The following OSBPL1A variants were observed in gnomAD, a reference collection of about 807,000 sequenced individuals.
The protein encoded by OSBPL1A is oxysterol-binding protein-related protein 1.
In OSBPL1A, 80 loss-of-function variants were observed where a neutral mutation model predicts 137.1. The observed-to-expected ratio is 0.58, with a 90% CI of 0.49 to 0.70. OSBPL1A has a LOEUF of 0.70. OSBPL1A is among the 30% of genes least tolerant of loss of function. The pLI is 0.00. For synonymous variants in OSBPL1A, 365 were observed against 389.7 expected, an observed-to-expected ratio of 0.94 and a Z score of 0.75; for missense variants, 970 against 1,129.4, an observed-to-expected ratio of 0.86 and a Z score of 2.02.
At chr18:24,383,083 C>T (rs979886841) in intron 1 of OSBPL1A, among the ~76,000 whole-genome samples, 1 of 152,066 alleles carries the variant, frequency 6.6e-6, no homozygotes, top group African/African-American at 2.4e-5. Context: ...TTTTAAATGT[C>T]TTCTTTGGTT....
intron 20 of OSBPL1A, chr18:24,179,435 TA>T (rs77220931): frequency 0.038 from 10,194 of 267,430 alleles, no homozygotes; most frequent in South Asian, 0.065. Context: ...AAACTTAAAG[TA>T]AAAAAAAAAA....
At chr18:24,199,842 C>G (rs1252187122) in intron 17 of OSBPL1A, among the ~76,000 whole-genome samples, 1 of 152,212 alleles carries the variant, frequency 6.6e-6, no homozygotes, top group South Asian at 2.1e-4. Context: ...GAAAGGCACC[C>G]CAGCTCGACC....
At chr18:24,292,317 C>G (rs1323146348) in intron 14 of OSBPL1A, among the ~76,000 whole-genome samples, 1 of 152,070 alleles carries the variant, frequency 6.6e-6, no homozygotes, top group African/African-American at 2.4e-5. Context: ...CTGTGGAAAC[C>G]CTCTTGGCAA....
chr18:24,217,550 C>T (rs2087746973), intron 17 of OSBPL1A, among the ~76,000 whole-genome samples: 1 of 152,116 alleles, frequency 6.6e-6, no homozygotes, highest in Non-Finnish European at 1.5e-5. Context: ...AACCTCTGCA[C>T]CCTGTCAGAA....
chr18:24,193,056 T>C (rs2086932379), intron 18 of OSBPL1A, among the ~76,000 whole-genome samples: 1 of 152,066 alleles, frequency 6.6e-6, no homozygotes, highest in Admixed American at 6.6e-5. Flanking sequence ...TAGGACTTAT[T>C]AACAAATTAA....
chr18:24,364,981 G>A (rs555854283), intron 4 of OSBPL1A: 28 of 141,612 alleles, frequency 2.0e-4, no homozygotes, highest in African/African-American at 7.4e-4. Flanking sequence ...CCACTGCCCT[G>A]CAGCCTGGGT....
intron 1 of OSBPL1A, 81 bp downstream of exon 1, chr18:24,397,574 T>TCC (rs1907846941): frequency 6.6e-6 from 1 of 152,030 alleles, no homozygotes; most frequent in Non-Finnish European, 1.5e-5. Context: ...CGGACAGACC[T>TCC]CCCGAGCGCA....
chr18:24,347,693 T>G, intron 4 of OSBPL1A: 1 of 151,624 alleles, frequency 6.6e-6, no homozygotes, highest in East Asian at 2.0e-4. Flanking sequence ...AATACAAAAA[T>G]TAGCCGGGCA....
intron 17 of OSBPL1A, among the ~76,000 whole-genome samples, chr18:24,220,440 G>T (rs1246287504): frequency 1.3e-5 from 2 of 152,144 alleles, no homozygotes; most frequent in East Asian, 3.8e-4. Context: ...CTACTTTCCA[G>T]GACAAGTACT....
chr18:24,376,123 G>C (rs537004197), intron 2 of OSBPL1A, among the ~76,000 whole-genome samples: 6 of 152,312 alleles, frequency 3.9e-5, no homozygotes, highest in Non-Finnish European at 8.8e-5. Flanking sequence ...GGACTCCAGC[G>C]AGTTGCCACT....
At chr18:24,174,617 GT>G (rs1195162170) in intron 21 of OSBPL1A, among the ~76,000 whole-genome samples, 4 of 152,136 alleles carry the variant, frequency 2.6e-5, no homozygotes, top group African/African-American at 9.7e-5. Context: ...CCACATCCTT[GT>G]CAGCACTTGG....
intron 1 of OSBPL1A, among the ~76,000 whole-genome samples, chr18:24,382,168 AG>A (rs1279684437): frequency 6.6e-6 from 1 of 150,784 alleles, no homozygotes; most frequent in African/African-American, 2.4e-5. Flanking sequence ...TGGGAGGCCA[AG>A]GCAAGTGGAT....
intron 4 of OSBPL1A, among the ~76,000 whole-genome samples, chr18:24,353,309 A>G (rs1397538197): frequency 6.6e-6 from 1 of 152,248 alleles, no homozygotes; most frequent in Admixed American, 6.5e-5. Flanking sequence ...CAAAAAACAC[A>G]TGAAAAAATG....
At chr18:24,249,213 G>A (rs578037134) in intron 15 of OSBPL1A, among the ~76,000 whole-genome samples, 16 of 152,260 alleles carry the variant, frequency 1.1e-4, no homozygotes, top group Middle Eastern at 3.4e-3. Context: ...TCCAGAAGTC[G>A]CACTTAGAGG....
At chr18:24,231,072 C>A (rs1483037105) in intron 16 of OSBPL1A, among the ~76,000 whole-genome samples, 1 of 151,990 alleles carries the variant, frequency 6.6e-6, no homozygotes, top group Non-Finnish European at 1.5e-5. Flanking sequence ...AGAGCGAGAC[C>A]CTGTCTCTCA....
At chr18:24,200,436 C>T (rs1001828791) in intron 17 of OSBPL1A, among the ~76,000 whole-genome samples, 13 of 151,846 alleles carry the variant, frequency 8.6e-5, no homozygotes, top group Non-Finnish European at 1.9e-4. Context: ...GTGGTGGGTG[C>T]CTGTAATCCC....
chr18:24,303,663 A>G lies in OSBPL1A; in HGVS notation c.1148T>C (p.Met383Thr). 6.2e-7 allele frequency: 1 copy of G among 1,613,606 alleles called. No individual in the cohort carries two copies. The highest frequency in any genetic ancestry group is 8.5e-7 in the Non-Finnish European group (1 of 1,179,714). The change falls in exon 14 of 28, where the codon ATG becomes ACG. Residue 383 changes from methionine to threonine, a missense_variant. This residue lies in a region of OSBPL1A where 647 missense variants were observed against 672.6 expected (regional missense o/e 0.96). Transcript: ENST00000319481. ...TTTAGCCATGTCACACTCCTTAATC[A>G]TTTTGAGAAAGTTGGAAATTTCCCT... Reference protein sequence around the residue: ...LDREISNFLKMIKECDMAKEM... With the variant: ...LDREISNFLKTIKECDMAKEM...
intron 14 of OSBPL1A, among the ~76,000 whole-genome samples, chr18:24,287,255 T>C (rs983898986): frequency 6.6e-6 from 1 of 152,190 alleles, no homozygotes; most frequent in African/African-American, 2.4e-5. Context: ...CCCCACCTTA[T>C]GGTAAGTCCT....
Position 24,317,363 on chromosome 18 carries a change from A to T in OSBPL1A, c.770T>A (p.Val257Glu), listed in dbSNP as rs760424766. The T allele has an allele frequency of 1.2e-5, 20 of 1,613,876 alleles. No homozygotes were observed. Among genetic ancestry groups the T allele is most frequent in the Non-Finnish European group, 1.6e-5 (19 of 1,179,866 alleles). Residue 257 changes from valine to glutamate, a missense_variant, in exon 10 of 28, where the codon GTG becomes GAG. Physicochemically the swap from Val to Glu is moderately radical, Grantham distance 121. This residue lies in a region of OSBPL1A where 647 missense variants were observed against 672.6 expected (regional missense o/e 0.96). Coordinates refer to ENST00000319481, the MANE Select transcript of OSBPL1A (RefSeq NM_080597.4). ...RFFGWRLFWV[V>E]LEHGVLSWYR... is the part of the protein sequence containing the mutation. Reference sequence around the variant, plus strand: ...CCATGAAAGGACTCCATGCTCTAACACTACCCAGAATAATCTCCAGCCAAA... The same window carrying T: ...CCATGAAAGGACTCCATGCTCTAACTCTACCCAGAATAATCTCCAGCCAAA...
Sources: gnomAD v4.1 joint callset for allele counts (sites outside exome capture counted in the v4.1 genomes callset) on GRCh38, gnomAD v4.1.1 for gene constraint, gnomAD v4.1.1 regional missense constraint, MANE v1.5 for transcripts, NCBI Gene and HGNC (gene_info 2026-07-23, HGNC 2026-07-21) for gene names.